Variants in SYTL5 observed in about 807,000 individuals in gnomAD.
SYTL5 encodes synaptotagmin-like protein 5.
SYTL5 carries 34 observed loss-of-function variants against 55.9 expected under a neutral mutation model. The observed-to-expected ratio is 0.61, with a 90% CI of 0.46 to 0.81. SYTL5 has a LOEUF of 0.81. SYTL5 is among the 30% of genes least tolerant of loss of function. The pLI, the probability that SYTL5 is intolerant of heterozygous loss-of-function variation, is 0.00. For missense variants in SYTL5, 637 were observed against 546.7 expected (o/e 1.17, Z -1.65); for synonymous variants, 221 against 188.7 (o/e 1.17, Z -1.40).
the SYTL5 span, among the ~76,000 whole-genome samples, chrX:37,905,497 T>A: frequency 1.1e-4 from 12 of 108,705 alleles, no homozygotes; most frequent in African/African-American, 3.4e-4. Context: ...AGGAAAGACC[T>A]ATGGAAAAGG....
At chrX:37,894,333 T>C in the SYTL5 span, among the ~76,000 whole-genome samples, 1 of 111,708 alleles carries the variant, frequency 9.0e-6, no homozygotes, top group Non-Finnish European at 1.9e-5. Flanking sequence ...TGTTGGGTCA[T>C]TGAGTTTGTA....
rs370524133 is a variant in SYTL5, at chrX:38,077,661, GA to G, written c.689+970del. On this transcript the variant is annotated intron_variant, in intron 6 of 16. Transcript: ENST00000297875. ...GCGTTACTTTATGTAAAACCATACAGAAAAAAAAAATTACAAGGAAGCGTAA... is the reference window on the plus strand; with the variant it reads ...GCGTTACTTTATGTAAAACCATACAGAAAAAAAAATTACAAGGAAGCGTAA... 6.5e-3 allele frequency among the ~76,000 whole-genome samples: 691 copies of G among 106,599 alleles called. 8 individuals carry two copies. The highest frequency in any genetic ancestry group is 0.022 in the African/African-American group (650 of 29,345). 92.6% of individuals were successfully genotyped at this position (106,599 alleles called of 115,157 possible).
At chrX:37,890,438 T>C in the SYTL5 span, among the ~76,000 whole-genome samples, 5 of 111,956 alleles carry the variant, frequency 4.5e-5, no homozygotes, top group Non-Finnish European at 7.5e-5. Context: ...CTGAAAAACA[T>C]TGTAATTTTG....
chrX:38,121,868 C>A (rs1282106152), intron 14 of SYTL5, among the ~76,000 whole-genome samples: 1 of 112,076 alleles, frequency 8.9e-6, no homozygotes, highest in Non-Finnish European at 1.9e-5. Flanking sequence ...TTTGTTTCAA[C>A]AAATACAAAT....
At chrX:38,011,135 A>G (rs923077299) in intron 1 of SYTL5, among the ~76,000 whole-genome samples, 2 of 112,301 alleles carry the variant, frequency 1.8e-5, no homozygotes, top group African/African-American at 3.2e-5. Context: ...TACATGTTGC[A>G]TCTCCAGTTT....
intron 2 of SYTL5, among the ~76,000 whole-genome samples, chrX:38,037,049 T>A (rs1247586457): frequency 9.0e-6 from 1 of 111,686 alleles, no homozygotes; most frequent in African/African-American, 3.3e-5. Flanking sequence ...TTCATGCACT[T>A]TATTCTAAGG....
the SYTL5 span, among the ~76,000 whole-genome samples, chrX:37,891,614 T>C: frequency 9.0e-6 from 1 of 111,515 alleles, no homozygotes; most frequent in Non-Finnish European, 1.9e-5. Context: ...AATGGGTGAA[T>C]TGCGTGTTAT....
At chrX:37,965,251 G>A in the SYTL5 span, among the ~76,000 whole-genome samples, 1 of 110,632 alleles carries the variant, frequency 9.0e-6, no homozygotes, top group Admixed American at 9.6e-5. Context: ...ATATAGTTTG[G>A]CATATTGTAT....
the SYTL5 span, among the ~76,000 whole-genome samples, chrX:37,930,092 A>G: frequency 8.9e-6 from 1 of 111,763 alleles, no homozygotes; most frequent in Non-Finnish European, 1.9e-5. Context: ...GGCACCTATT[A>G]GGGCCTTACC....
intron 6 of SYTL5, among the ~76,000 whole-genome samples, chrX:38,089,161 GA>G (rs1817515240): frequency 8.9e-6 from 1 of 112,306 alleles, no homozygotes; most frequent in South Asian, 3.7e-4. Flanking sequence ...AAATGGTAAG[GA>G]ACCCAGACTG....
chrX:38,017,015 CT>C (rs1225521189), intron 1 of SYTL5, among the ~76,000 whole-genome samples: 1 of 111,862 alleles, frequency 8.9e-6, no homozygotes, highest in Middle Eastern at 4.2e-3. Context: ...CTATTTTTTC[CT>C]TATGTCTTAG....
chrX:38,032,679 T>C (rs1268473193), intron 1 of SYTL5, among the ~76,000 whole-genome samples: 2 of 111,186 alleles, frequency 1.8e-5, no homozygotes, highest in Non-Finnish European at 3.8e-5. Context: ...ATACTTCACA[T>C]ATATATGTAT....
At chrX:37,960,174 A>C in the SYTL5 span, among the ~76,000 whole-genome samples, 1 of 111,354 alleles carries the variant, frequency 9.0e-6, no homozygotes, top group African/African-American at 3.3e-5. Flanking sequence ...GATCTCCAAG[A>C]GTTTTTCTCC....
chrX:38,023,202 C>T (rs1203003170), intron 1 of SYTL5, among the ~76,000 whole-genome samples: 1 of 112,015 alleles, frequency 8.9e-6, no homozygotes, highest in South Asian at 3.8e-4. Context: ...AACCCAAATC[C>T]ATTATTTCCC....
Position 38,097,423 on chromosome X carries a change from T to C in SYTL5, c.1062+1189T>C, listed in dbSNP as rs779378912. On this transcript the variant is annotated intron_variant, in intron 9 of 16. Coordinates refer to ENST00000297875, the MANE Select transcript of SYTL5 (RefSeq NM_138780.3). Reference sequence around the variant, plus strand: ...ATTTATATATACTAGCAATGATCAATTGGAAAATGAAATTAAGAATATAAT... The same window carrying C: ...ATTTATATATACTAGCAATGATCAACTGGAAAATGAAATTAAGAATATAAT... 1.0e-3 allele frequency among the ~76,000 whole-genome samples: 115 copies of C among 110,602 alleles called. 1 individual carries two copies. The highest frequency in any genetic ancestry group is 3.2e-3 in the African/African-American group (98 of 30,753).
chrX:38,040,576 G>A (rs888393816), intron 2 of SYTL5, among the ~76,000 whole-genome samples: 2 of 109,799 alleles, frequency 1.8e-5, no homozygotes, highest in African/African-American at 3.3e-5. Flanking sequence ...GAGAACATGC[G>A]AAGTTTGTCT....
intron 6 of SYTL5, among the ~76,000 whole-genome samples, chrX:38,079,507 A>T (rs1936473811): frequency 8.9e-6 from 1 of 112,401 alleles, no homozygotes; most frequent in Admixed American, 9.4e-5. Flanking sequence ...AAACAATATT[A>T]TTCAAGGTAG....
chrX:38,049,468 C>T (rs1935565342), intron 2 of SYTL5, among the ~76,000 whole-genome samples: 1 of 111,001 alleles, frequency 9.0e-6, no homozygotes, highest in Non-Finnish European at 1.9e-5. Flanking sequence ...GGGGTCTGGA[C>T]TCCCTATCTT....
rs747425126 is a variant in SYTL5, at chrX:38,058,996, A to G, written c.329+4574A>G. Among the ~76,000 whole-genome samples, 89 of 111,195 alleles carry G rather than the reference A, an allele frequency of 8.0e-4. 1 individual carries two copies. Among genetic ancestry groups the G allele is most frequent in the South Asian group, 1.1e-3 (3 of 2,653 alleles). ...CCTTCTGTATTTGTTATCCATTTAC[A>G]TCTCTAAACTCAGTTTGTATATTTT... On this transcript the variant is annotated intron_variant, in intron 3 of 16. Transcript: ENST00000297875.
Sources: gnomAD v4.1 joint callset for allele counts (sites outside exome capture counted in the v4.1 genomes callset) on GRCh38, gnomAD v4.1.1 for gene constraint, MANE v1.5 for transcripts, NCBI Gene and HGNC (gene_info 2026-07-23, HGNC 2026-07-21) for gene names.